PLPP4: variants seen among roughly 807,000 people sequenced by gnomAD.
PLPP4 encodes diacylglycerol pyrophosphate like 2.
PLPP4 carries 20 observed loss-of-function variants against 32.2 expected under a neutral mutation model. The ratio of observed to expected loss-of-function variants is 0.62; its 90% CI spans 0.44 to 0.90. The LOEUF is 0.90. PLPP4 is among the 40% of genes least tolerant of loss of function. PLPP4 has a pLI of 0.00. For synonymous variants in PLPP4, 127 were observed against 133.0 expected, an observed-to-expected ratio of 0.95 and a Z score of 0.31; for missense variants, 257 against 353.1, an observed-to-expected ratio of 0.73 and a Z score of 2.18.
intron 1 of PLPP4, among the ~76,000 whole-genome samples, chr10:120,466,203 A>G: frequency 6.6e-6 from 1 of 152,278 alleles, no homozygotes; most frequent in African/African-American, 2.4e-5. Flanking sequence ...GGCAAGTGAC[A>G]GGGCCTGGCA....
chr10:120,509,009 C>G lies in PLPP4; in HGVS notation c.166-4902C>G, dbSNP rs111950624. ...CACAGTGGCCTACAAGGGGTCAACTCCCAGCTTTGCCATTCACTAGCTATG... is the reference window on the plus strand; with the variant it reads ...CACAGTGGCCTACAAGGGGTCAACTGCCAGCTTTGCCATTCACTAGCTATG... On this transcript the variant is annotated intron_variant, in intron 2 of 6. Coordinates refer to ENST00000398250, the MANE Select transcript of PLPP4 (RefSeq NM_001030059.3). Among the ~76,000 whole-genome samples the G allele has an allele frequency of 5.6e-4, 86 of 152,322 alleles. 1 individual carries two copies. The highest frequency in any genetic ancestry group is 2.0e-3 in the African/African-American group (82 of 41,568).
At chr10:120,471,640 C>T (rs75144465) in intron 1 of PLPP4, among the ~76,000 whole-genome samples, 6,187 of 152,088 alleles carry the variant, frequency 0.041, 193 homozygotes, top group South Asian at 0.11. Flanking sequence ...TTATTTTTAA[C>T]ATATGGCTCT....
At chr10:120,470,768 G>GC (rs144329392) in intron 1 of PLPP4, among the ~76,000 whole-genome samples, 14,639 of 151,714 alleles carry the variant, frequency 0.096, 937 homozygotes, top group East Asian at 0.28. Flanking sequence ...GGGAAAATTT[G>GC]CCCCCCCGTA....
At chr10:120,545,221 G>A (rs1169115276) in intron 5 of PLPP4, among the ~76,000 whole-genome samples, 1 of 152,206 alleles carries the variant, frequency 6.6e-6, no homozygotes, top group Non-Finnish European at 1.5e-5. Context: ...ACCCTTTCCT[G>A]GTCCTTCAGG....
intron 6 of PLPP4, among the ~76,000 whole-genome samples, chr10:120,577,874 G>T (rs1849295889): frequency 6.6e-6 from 1 of 152,160 alleles, no homozygotes; most frequent in Admixed American, 6.5e-5. Context: ...CCCTTCATGA[G>T]GCTATCTGCC....
At chr10:120,505,719 A>G (rs1291455562) in intron 2 of PLPP4, among the ~76,000 whole-genome samples, 1 of 152,210 alleles carries the variant, frequency 6.6e-6, no homozygotes, top group Non-Finnish European at 1.5e-5. Context: ...TTGACAAATT[A>G]GGGTGGTTGT....
At chr10:120,497,068 A>T (rs1845002190) in intron 1 of PLPP4, among the ~76,000 whole-genome samples, 1 of 152,088 alleles carries the variant, frequency 6.6e-6, no homozygotes. Context: ...AGGCGGTTAA[A>T]GGCCTGGAGA....
At chr10:120,560,554 A>G (rs1401117889) in intron 5 of PLPP4, among the ~76,000 whole-genome samples, 2 of 152,160 alleles carry the variant, frequency 1.3e-5, no homozygotes, top group African/African-American at 4.8e-5. Context: ...CAGGAGTTTG[A>G]GACCAGACTG....
At chr10:120,589,242 T>A (rs1849904814) in intron 6 of PLPP4, 61 bp from the exon 7 acceptor site, 14 of 1,520,180 alleles carry the variant, frequency 9.2e-6, no homozygotes, top group Non-Finnish European at 1.3e-5. Flanking sequence ...CTGGAAAATA[T>A]AATTGGCCAC....
Position 120,560,959 on chromosome 10 carries a change from CT to C in PLPP4, c.446-14171del, listed in dbSNP as rs112913970. On this transcript the variant is annotated intron_variant, in intron 5 of 6. Coordinates refer to ENST00000398250, the MANE Select transcript of PLPP4 (RefSeq NM_001030059.3). ...TCAATTGCATGGGGTGTCGGTGCCC[CT>C]ATCCCCCACATTATTCAAGGGTCAA... Among the ~76,000 whole-genome samples, 1,282 of 152,178 alleles carry C rather than the reference CT, an allele frequency of 8.4e-3. 23 individuals carry two copies. Among genetic ancestry groups the C allele is most frequent in the African/African-American group, 0.03 (1,226 of 41,510 alleles).
chr10:120,506,886 GT>G (rs1399481431), intron 2 of PLPP4, among the ~76,000 whole-genome samples: 3 of 152,186 alleles, frequency 2.0e-5, no homozygotes, highest in African/African-American at 7.2e-5. Flanking sequence ...TGACAACCCA[GT>G]GTTCCTGTTG....
At position 120,589,745 on chromosome 10, in the gene PLPP4, G is replaced by A. The variant is rs939035320; in HGVS notation, c.*243G>A. On this transcript the variant is annotated 3_prime_UTR_variant, in exon 7 of 7. Transcript: ENST00000398250. ...CGTGTGGAAGAGGCTGTGAAGGTGG[G>A]GTTTGGGGAGCTTGGCCGATTCGTC... 40 of 479,228 alleles carry A rather than the reference G, an allele frequency of 8.3e-5. No individual in the cohort carries two copies. Among genetic ancestry groups the A allele is most frequent in the South Asian group, 4.2e-4 (11 of 26,204 alleles). The allele number at this position is 479,228 out of a possible 1,614,324, so 29.7% of individuals were successfully genotyped here.
chr10:120,537,619 G>A (rs1316543746), intron 5 of PLPP4, among the ~76,000 whole-genome samples: 1 of 152,162 alleles, frequency 6.6e-6, no homozygotes, highest in Non-Finnish European at 1.5e-5. Context: ...CTAATGTACA[G>A]GAAGTGAGTA....
At position 120,589,507 on chromosome 10, in the gene PLPP4, T is replaced by A; in HGVS notation, c.*5T>A. ...ATCACCGAAGGCCCGGTATGACCAG[T>A]GTCCTGGGAGGATGGACACTAAGCC... is the stretch of plus-strand genomic sequence containing the variant. On this transcript the variant is annotated 3_prime_UTR_variant, in exon 7 of 7. Transcript: ENST00000398250. 1 of 1,612,738 alleles carries A rather than the reference T, an allele frequency of 6.2e-7. No individual in the cohort carries two copies. The highest frequency in any genetic ancestry group is 8.5e-7 in the Non-Finnish European group (1 of 1,179,166).
At chr10:120,585,922 A>G (rs4512748) in intron 6 of PLPP4, among the ~76,000 whole-genome samples, 8,294 of 152,140 alleles carry the variant, frequency 0.055, 328 homozygotes, top group Middle Eastern at 0.15. Flanking sequence ...GCAGACACGA[A>G]CCTGTATTCC....
intron 2 of PLPP4, 49 bp downstream of exon 2, chr10:120,503,975 A>C: frequency 7.8e-7 from 1 of 1,287,152 alleles, no homozygotes; most frequent in Non-Finnish European, 1.1e-6. Context: ...TCAAAGATGA[A>C]CCAAATGGGT....
rs1849938482 is a variant in PLPP4 at position 120,589,811 on chromosome 10, T to C, written c.*309T>C. ...CTGTAACAGCCACCTTCCTATGTTT[T>C]CATGGTTGTAAAACATAATAAAACC... On this transcript the variant is annotated 3_prime_UTR_variant, in exon 7 of 7. Transcript: ENST00000398250. 3.1e-6 allele frequency: 1 copy of C among 318,724 alleles called. No homozygotes were observed. The highest frequency in any genetic ancestry group is 5.8e-6 in the Non-Finnish European group (1 of 172,048). 19.7% of individuals were successfully genotyped at this position (318,724 alleles called of 1,614,324 possible).
chr10:120,504,314 T>C (rs540838048), intron 2 of PLPP4, among the ~76,000 whole-genome samples: 1 of 152,344 alleles, frequency 6.6e-6, no homozygotes, highest in East Asian at 1.9e-4. Context: ...CCCGTCTCCA[T>C]TGGCTGGAGC....
intron 1 of PLPP4, among the ~76,000 whole-genome samples, chr10:120,483,330 T>C (rs910720919): frequency 6.6e-6 from 1 of 152,202 alleles, no homozygotes; most frequent in Non-Finnish European, 1.5e-5. Context: ...CTTGTGATGG[T>C]ATGAGTCAGT....
Sources: gnomAD v4.1 joint callset for allele counts (sites outside exome capture counted in the v4.1 genomes callset) on GRCh38, gnomAD v4.1.1 for gene constraint, MANE v1.5 for transcripts, NCBI Gene and HGNC (gene_info 2026-07-23, HGNC 2026-07-21) for gene names.